The following TET2 variants were observed in gnomAD, a reference collection of about 807,000 sequenced individuals.
TET2 encodes methylcytosine dioxygenase TET2.
A neutral mutation model predicts 142.9 loss-of-function variants in TET2; 299 were observed. That is an observed-to-expected ratio of 2.09 (90% confidence interval 1.90 to 2.30). The LOEUF (loss-of-function observed/expected upper bound fraction) is 2.30. TET2 is among the 30% of genes most tolerant of loss of function. TET2 has a pLI of 0.00. For synonymous variants in TET2, 819 were observed against 849.0 expected (o/e 0.96, Z 0.61); for missense variants, 2,418 against 2,378.0 (o/e 1.02, Z -0.35).
chr4:105,164,166 CTG>C lies in TET2; in HGVS notation c.-193+17191_-193+17192del, dbSNP rs1338403083. Among the ~76,000 whole-genome samples the C allele has an allele frequency of 2.6e-5, 4 of 152,140 alleles. No individual in the cohort carries two copies. The South Asian group carries it at 6.2e-4, about 24-fold the overall frequency. On this transcript the variant is annotated intron_variant, in intron 1 of 10. Coordinates refer to ENST00000380013, the MANE Select transcript of TET2 (RefSeq NM_001127208.3). ...AAATATTCATCTGGCATAACTGAAA[CTG>C]TGTATCCTTTGACAAACCTATTTCC...
chr4:105,230,128 A>C (rs887607886), intron 2 of TET2, among the ~76,000 whole-genome samples: 7 of 151,758 alleles, frequency 4.6e-5, no homozygotes, highest in African/African-American at 1.7e-4. Context: ...TGCAGTGTCC[A>C]CCTCCTGGGT....
In TET2 at chr4:105,276,519, A is replaced by G. The variant is rs1202284087; in HGVS notation, c.6009A>G (p.Ter2003TrpextTer21). The change falls in exon 11 of 11, where the codon TGA becomes TGG. Residue 2003 changes from the stop codon to tryptophan, a stop_lost. Coordinates refer to ENST00000380013, the MANE Select transcript of TET2 (RefSeq NM_001127208.3). The part of the protein sequence containing the change: ...RVTGPYNRYI[*>W] ...CAGGGCCTTACAACAGATATATATG[A>G]TATCACCCCCTTTTGTTGGTTACCT... 6.5e-7 allele frequency: 1 copy of G among 1,545,844 alleles called. No individual in the cohort carries two copies. Among genetic ancestry groups the G allele is most frequent in the Admixed American group, 2.0e-5 (1 of 50,346 alleles).
At chr4:105,270,450 T>A (rs1730896315) in intron 9 of TET2, among the ~76,000 whole-genome samples, 1 of 152,176 alleles carries the variant, frequency 6.6e-6, no homozygotes, top group Non-Finnish European at 1.5e-5. Flanking sequence ...TTGTAATCAG[T>A]TAAGCAAAAA....
chr4:105,265,459 G>C (rs932238145), intron 8 of TET2, among the ~76,000 whole-genome samples: 1 of 152,180 alleles, frequency 6.6e-6, no homozygotes, highest in Non-Finnish European at 1.5e-5. Flanking sequence ...GATGGCATAA[G>C]TGTAATTTCT....
At chr4:105,191,956 G>A (rs1189258926) in intron 2 of TET2, among the ~76,000 whole-genome samples, 1 of 152,032 alleles carries the variant, frequency 6.6e-6, no homozygotes, top group African/African-American at 2.4e-5. Flanking sequence ...GAAAATCTTA[G>A]GTAATTATGA....
At chr4:105,187,093 T>C (rs1282216517) in intron 1 of TET2, among the ~76,000 whole-genome samples, 5 of 152,134 alleles carry the variant, frequency 3.3e-5, no homozygotes, top group African/African-American at 1.2e-4. Flanking sequence ...ACTCCCAATC[T>C]TGTGCCAGCT....
rs1247817772 is a variant in TET2, at chr4:105,234,803, G to T, written c.861G>T (p.Lys287Asn). The change falls in exon 3 of 11, where the codon AAG becomes AAT. Residue 287 changes from lysine (K) to asparagine (N), a missense_variant. Coordinates refer to ENST00000380013, the MANE Select transcript of TET2 (RefSeq NM_001127208.3). Reference sequence around the variant, plus strand: ...CCTCTAACTCTGAGCTGCCTCCAAAGCCAGCTGCAGTGGTGAGTGAGGCCT... The same window carrying T: ...CCTCTAACTCTGAGCTGCCTCCAAATCCAGCTGCAGTGGTGAGTGAGGCCT... ...AQTSNSELPP[K>N]PAAVVSEACD... 6.2e-7 allele frequency: 1 copy of T among 1,613,828 alleles called. No homozygotes were observed. The highest frequency in any genetic ancestry group is 1.7e-5 in the Admixed American group (1 of 59,950).
chr4:105,202,722 T>C (rs1726557208), intron 2 of TET2, among the ~76,000 whole-genome samples: 1 of 152,210 alleles, frequency 6.6e-6, no homozygotes, highest in Non-Finnish European at 1.5e-5. Context: ...TTGCAACATA[T>C]GCCTACTTTT....
At chr4:105,240,669 C>T (rs944122397) in intron 3 of TET2, 9 of 1,080,034 alleles carry the variant, frequency 8.3e-6, no homozygotes, top group East Asian at 1.0e-4. Context: ...AAGTTGTAAT[C>T]GTCTTCACTC....
At chr4:105,149,890 C>T (rs1013676257) in intron 1 of TET2, among the ~76,000 whole-genome samples, 1 of 152,160 alleles carries the variant, frequency 6.6e-6, no homozygotes, top group Non-Finnish European at 1.5e-5. Context: ...GTGAAGTGCA[C>T]CTGCCAAGGA....
intron 9 of TET2, among the ~76,000 whole-genome samples, chr4:105,272,327 T>A (rs1421233694): frequency 6.6e-6 from 1 of 152,198 alleles, no homozygotes; most frequent in Non-Finnish European, 1.5e-5. Flanking sequence ...CTGTTCCTGA[T>A]AGACTCAGAG....
rs35390923 is a variant in TET2 at position 105,214,301 on chromosome 4, A to ATTTTTT, written c.-46-19578_-46-19573dup. On this transcript the variant is annotated intron_variant, in intron 2 of 10. Transcript: ENST00000380013. ...TCCTTTCACTTGTCCCCCGAGGGAG[A>ATTTTTT]TTTTTTTTTTTTTTTTTTTTTTTGA... 3.0e-4 allele frequency among the ~76,000 whole-genome samples: 26 copies of ATTTTTT among 86,032 alleles called. 1 individual carries two copies. Among genetic ancestry groups the ATTTTTT allele is most frequent in the African/African-American group, 8.2e-4 (17 of 20,842 alleles). 56.4% of individuals were successfully genotyped at this position (86,032 alleles called of 152,430 possible). A position where few individuals can be genotyped will look rare whatever the true frequency, so the allele number is the denominator to read the frequency against.
chr4:105,237,332 C>A lies in TET2; in HGVS notation c.3390C>A (p.Phe1130Leu), dbSNP rs776153894. The change falls in exon 3 of 11, where the codon TTC (phenylalanine) becomes TTA (leucine). Residue 1130 changes from phenylalanine (F) to leucine (L), a missense_variant. By Grantham distance (22) the Phe-to-Leu change is conservative. Transcript: ENST00000380013. Reference sequence around the variant, plus strand: ...CACCTGTCAAGACTCAATATGATTTCCCATCTTGCAGATGTGTAGGTAAGT... The same window carrying A: ...CACCTGTCAAGACTCAATATGATTTACCATCTTGCAGATGTGTAGGTAAGT... The part of the protein sequence containing the change: ...LDTPVKTQYD[F>L]PSCRCVEQII... The A allele has an allele frequency of 1.9e-6, 3 of 1,614,128 alleles. No individual in the cohort carries two copies. Among genetic ancestry groups the A allele is most frequent in the South Asian group, 1.1e-5 (1 of 91,082 alleles).
At chr4:105,192,546 A>G (rs1578592254) in intron 2 of TET2, among the ~76,000 whole-genome samples, 1 of 152,310 alleles carries the variant, frequency 6.6e-6, no homozygotes, top group African/African-American at 2.4e-5. Flanking sequence ...TCTCAATTTT[A>G]TATTGGTATT....
At position 105,275,421 on chromosome 4, in the gene TET2, A is replaced by G. The variant is rs937338648; in HGVS notation, c.4911A>G (p.Leu1637=). ...CATCATATCAATGCAATGGAAACCT[A>G]TCAGTGGACAACTGCTCCCCATATC... ...QYPSYQCNGN[L]SVDNCSPYLG... is the part of the protein sequence containing the mutation. Residue 1637 remains leucine (L), a synonymous_variant, in exon 11 of 11, where the codon CTA becomes CTG. Transcript: ENST00000380013. The G allele has an allele frequency of 5.2e-6, 8 of 1,551,474 alleles. No individual in the cohort carries two copies. The highest frequency in any genetic ancestry group is 1.4e-5 in the African/African-American group (1 of 73,008).
chr4:105,163,852 AGAGTGTGTGTGTGTGT>A (rs70964634), intron 1 of TET2, among the ~76,000 whole-genome samples: 1 of 105,878 alleles, frequency 9.4e-6, no homozygotes, highest in Admixed American at 9.7e-5. Flanking sequence ...AGAGAGAGAG[AGAGTGTGTGTGTGTGT>A]GTGTGTGTGT....
At chr4:105,267,157 G>T (rs1730720095) in intron 8 of TET2, among the ~76,000 whole-genome samples, 1 of 151,076 alleles carries the variant, frequency 6.6e-6, no homozygotes, top group African/African-American at 2.4e-5. Flanking sequence ...TCTCAAAAAA[G>T]ACAGCAAAAT....
rs1300921771 is a variant in TET2, at chr4:105,278,671, T to C, written c.*2152T>C. On this transcript the variant is annotated 3_prime_UTR_variant, in exon 11 of 11. Transcript: ENST00000380013. ...ATTTTGTAAATCTGTTGGCTCTTTT[T>C]ATTGTAAAGAAAAGCATTTTAAAAG... 4.3e-6 allele frequency: 1 copy of C among 232,614 alleles called. No homozygotes were observed. The highest frequency in any genetic ancestry group is 2.2e-5 in the African/African-American group (1 of 45,314). The allele number at this position is 232,614 out of a possible 1,614,324, so 14.4% of individuals were successfully genotyped here.
At chr4:105,245,312 A>G (rs1264869749) in intron 6 of TET2, among the ~76,000 whole-genome samples, 1 of 151,970 alleles carries the variant, frequency 6.6e-6, no homozygotes, top group Non-Finnish European at 1.5e-5. Context: ...TAAACTTATG[A>G]TGGACTACTT....
Sources: allele counts gnomAD v4.1 joint callset (sites outside exome capture counted in the v4.1 genomes callset), GRCh38; gene constraint gnomAD v4.1.1; transcripts MANE v1.5; gene names NCBI Gene and HGNC (gene_info 2026-07-23, HGNC 2026-07-21).